ATP9A: variants seen among roughly 807,000 people sequenced by gnomAD.
ATP9A encodes probable phospholipid-transporting ATPase IIA.
A neutral mutation model predicts 144.1 loss-of-function variants in ATP9A; 52 were observed. The observed-to-expected ratio is 0.36, with a 90% CI of 0.29 to 0.45. The LOEUF (loss-of-function observed/expected upper bound fraction) is 0.45. Ranked by LOEUF, ATP9A falls within the 20% of genes least tolerant of loss-of-function variation. The pLI is 1.00. For synonymous variants in ATP9A, 582 were observed against 557.4 expected (o/e 1.04, Z -0.62); for missense variants, 947 against 1,392.7 (o/e 0.68, Z 5.09).
chr20:51,749,441 TTTG>T (rs1360532856), intron 1 of ATP9A, among the ~76,000 whole-genome samples: 1 of 151,946 alleles, frequency 6.6e-6, no homozygotes, highest in African/African-American at 2.4e-5. Context: ...AAGTTTGCTA[TTTG>T]TAGTAGAGAC....
At chr20:51,700,107 A>G (rs747366848) in intron 4 of ATP9A, among the ~76,000 whole-genome samples, 2 of 152,176 alleles carry the variant, frequency 1.3e-5, no homozygotes, top group African/African-American at 2.4e-5. Context: ...GCTAAACTCA[A>G]TTCAGTGACC....
intron 4 of ATP9A, among the ~76,000 whole-genome samples, chr20:51,698,615 T>C (rs1450007771): frequency 6.6e-6 from 1 of 151,724 alleles, no homozygotes; most frequent in African/African-American, 2.4e-5. Context: ...GAGGAGGCAA[T>C]AAACAAATAA....
At position 51,696,077 on chromosome 20, in the gene ATP9A, G is replaced by A; in HGVS notation, c.547+16C>T. The A allele has an allele frequency of 6.2e-7, 1 of 1,607,268 alleles. No homozygotes were observed. ...AAGGTTAATGGTTATTTTCCAAATTGATCTCAGATGTTTACCGTTTTTTTC... is the reference window on the plus strand; with the variant it reads ...AAGGTTAATGGTTATTTTCCAAATTAATCTCAGATGTTTACCGTTTTTTTC... On this transcript the variant is annotated intron_variant, in intron 6 of 27. Transcript: ENST00000338821.
chr20:51,737,199 C>T (rs1231533759), intron 1 of ATP9A, among the ~76,000 whole-genome samples: 1 of 152,216 alleles, frequency 6.6e-6, no homozygotes, highest in Non-Finnish European at 1.5e-5. Context: ...GCCTCACCTG[C>T]ACAATTCTTT....
intron 2 of ATP9A, among the ~76,000 whole-genome samples, chr20:51,727,954 CACA>C (rs2077722786): frequency 6.6e-6 from 1 of 150,678 alleles, no homozygotes; most frequent in East Asian, 1.9e-4. Flanking sequence ...AAGCTATGTC[CACA>C]ACATGACCTC....
chr20:51,669,444 G>A (rs1234136390), intron 13 of ATP9A, among the ~76,000 whole-genome samples: 5 of 152,142 alleles, frequency 3.3e-5, no homozygotes, highest in Admixed American at 2.0e-4. Context: ...TTTCTTCCTC[G>A]TGATTGTTGA....
chr20:51,686,276 A>C (rs905507625), intron 9 of ATP9A, among the ~76,000 whole-genome samples: 1 of 152,082 alleles, frequency 6.6e-6, no homozygotes, highest in East Asian at 1.9e-4. Flanking sequence ...ATGACGAGTT[A>C]ATGGGTGCAG....
intron 1 of ATP9A, among the ~76,000 whole-genome samples, chr20:51,746,270 G>A (rs1367247596): frequency 6.6e-6 from 1 of 152,192 alleles, no homozygotes; most frequent in Non-Finnish European, 1.5e-5. Flanking sequence ...GGTGACATGA[G>A]TTTACTGATG....
Position 51,613,847 on chromosome 20 carries a change from A to G in ATP9A, c.2416-15T>C. On this transcript the variant is annotated splice_polypyrimidine_tract_variant and intron_variant, in intron 22 of 27. Transcript: ENST00000338821. ...TGTTTTCCTTCCTAAAATCCAATAA[A>G]ATTAGGCACCATCAGAAGCACAAGA... 1 of 1,603,664 alleles carries G rather than the reference A, an allele frequency of 6.2e-7. No homozygotes were observed. The highest frequency in any genetic ancestry group is 1.1e-5 in the South Asian group (1 of 90,606).
intron 13 of ATP9A, among the ~76,000 whole-genome samples, chr20:51,658,968 G>T (rs950961152): frequency 7.3e-5 from 10 of 137,018 alleles, no homozygotes; most frequent in African/African-American, 2.8e-4. Context: ...TGCATCTCCA[G>T]CTGTCCCTCA....
intron 1 of ATP9A, among the ~76,000 whole-genome samples, chr20:51,750,716 C>T (rs919296754): frequency 6.6e-6 from 1 of 152,144 alleles, no homozygotes; most frequent in Non-Finnish European, 1.5e-5. Flanking sequence ...AGGGACAGAG[C>T]CAGGATGTGA....
In ATP9A at chr20:51,678,222, C is replaced by T. The variant is rs1167557974; in HGVS notation, c.800-2014G>A. Among the ~76,000 whole-genome samples the T allele has an allele frequency of 2.0e-5, 3 of 152,076 alleles. No individual in the cohort carries two copies. In the East Asian group the frequency reaches 5.8e-4, roughly 29 times the overall value. Reference sequence around the variant, plus strand: ...AAAACTTGGAACACGAAGGAGCCAGCCCTGCCAAGCTCTCAGGGAAGATCC... The same window carrying T: ...AAAACTTGGAACACGAAGGAGCCAGTCCTGCCAAGCTCTCAGGGAAGATCC... On this transcript the variant is annotated intron_variant, in intron 9 of 27. Transcript: ENST00000338821.
intron 27 of ATP9A, among the ~76,000 whole-genome samples, chr20:51,603,220 CACAG>C (rs2077150000): frequency 6.6e-6 from 1 of 152,146 alleles, no homozygotes; most frequent in South Asian, 2.1e-4. Flanking sequence ...GTTTGAATAA[CACAG>C]ACAGAAAATT....
At chr20:51,663,218 G>A (rs2077418229) in intron 13 of ATP9A, among the ~76,000 whole-genome samples, 1 of 151,942 alleles carries the variant, frequency 6.6e-6, no homozygotes, top group Non-Finnish European at 1.5e-5. Context: ...GGAATATGAT[G>A]GGTTCTCATT....
chr20:51,639,327 A>C lies in ATP9A; in HGVS notation c.1668+16T>G. The C allele has an allele frequency of 6.2e-7, 1 of 1,606,576 alleles. No homozygotes were observed. On this transcript the variant is annotated intron_variant, in intron 15 of 27. Coordinates refer to ENST00000338821, the MANE Select transcript of ATP9A (RefSeq NM_006045.3). ...GGGTACTTAAGCACTTTAAGCCATG[A>C]ATAAAAACGACTCACCCGCACGATG...
intron 1 of ATP9A, among the ~76,000 whole-genome samples, chr20:51,767,659 T>TG (rs921475040): frequency 1.2e-4 from 19 of 152,102 alleles, no homozygotes; most frequent in Non-Finnish European, 2.2e-4. Flanking sequence ...CCCGAAATTG[T>TG]GGGGGGAGAA....
intron 2 of ATP9A, among the ~76,000 whole-genome samples, chr20:51,728,150 C>A (rs1227853709): frequency 2.0e-5 from 3 of 152,128 alleles, no homozygotes; most frequent in Non-Finnish European, 4.4e-5. Context: ...ATTGGTGCCT[C>A]TTGAGCCACT....
chr20:51,673,090 C>G (rs909628714), intron 11 of ATP9A, among the ~76,000 whole-genome samples: 2 of 152,024 alleles, frequency 1.3e-5, no homozygotes, highest in Non-Finnish European at 2.9e-5. Flanking sequence ...TTTAAAAAAC[C>G]AGGCCAGGTG....
chr20:51,629,178 A>C, intron 15 of ATP9A, 106 bp from the exon 16 acceptor site: 3 of 790,860 alleles, frequency 3.8e-6, no homozygotes, highest in Non-Finnish European at 4.0e-6. Flanking sequence ...CTTAACAGAC[A>C]CCAATGTTTT....
Sources: allele counts gnomAD v4.1 joint callset (sites outside exome capture counted in the v4.1 genomes callset), GRCh38; gene constraint gnomAD v4.1.1; transcripts MANE v1.5; gene names NCBI Gene and HGNC (gene_info 2026-07-23, HGNC 2026-07-21).